Variants in PTPRN2 observed in about 807,000 individuals in gnomAD.
The protein encoded by PTPRN2 is receptor-type tyrosine-protein phosphatase N2.
In PTPRN2, 74 loss-of-function variants were observed where a neutral mutation model predicts 118.8. The ratio of observed to expected loss-of-function variants is 0.62; its 90% CI spans 0.52 to 0.76. The LOEUF is 0.76. PTPRN2 is among the 30% of genes least tolerant of loss of function. PTPRN2 has a pLI of 0.00. For missense variants in PTPRN2, 1,481 were observed against 1,394.4 expected, an observed-to-expected ratio of 1.06 and a Z score of -0.99; for synonymous variants, 641 against 608.0, an observed-to-expected ratio of 1.05 and a Z score of -0.80.
In PTPRN2 at chr7:157,756,793, A is replaced by G. The variant is rs1038005697; in HGVS notation, c.1789-73856T>C. Reference sequence around the variant, plus strand: ...GGTGACTATGTCAGGAGAAGGGAGGAAAAAAAAAAAAAAACCCTGTTCCTG... The same window carrying G: ...GGTGACTATGTCAGGAGAAGGGAGGGAAAAAAAAAAAAAACCCTGTTCCTG... On this transcript the variant is annotated intron_variant, in intron 12 of 22. Coordinates refer to ENST00000389418, the MANE Select transcript of PTPRN2 (RefSeq NM_002847.5). 5.2e-5 allele frequency among the ~76,000 whole-genome samples: 6 copies of G among 114,420 alleles called. No homozygotes were observed. The East Asian group carries it at 1.1e-3, about 20-fold the overall frequency. The allele number at this position is 114,420 out of a possible 152,430, so 75.1% of individuals were successfully genotyped here.
intron 1 of PTPRN2, among the ~76,000 whole-genome samples, chr7:158,512,021 G>A (rs1823214304): frequency 6.6e-6 from 1 of 152,110 alleles, no homozygotes; most frequent in South Asian, 2.1e-4. Flanking sequence ...AGCACAAAGA[G>A]GAGCCTTAAT....
intron 4 of PTPRN2, among the ~76,000 whole-genome samples, chr7:158,195,223 T>A (rs1033923314): frequency 6.6e-6 from 1 of 152,254 alleles, no homozygotes; most frequent in Non-Finnish European, 1.5e-5. Flanking sequence ...TATGGAATTC[T>A]GGGTTGATGT....
chr7:158,421,738 T>C lies in PTPRN2; in HGVS notation c.163+67997A>G, dbSNP rs193193555. ...TGCTAGTTTTCTCCGCAGCATGTTCTGGGCTGCTTTGGGAGCCATATGCTC... is the reference window on the plus strand; with the variant it reads ...TGCTAGTTTTCTCCGCAGCATGTTCCGGGCTGCTTTGGGAGCCATATGCTC... On this transcript the variant is annotated intron_variant, in intron 2 of 22. Transcript: ENST00000389418. Among the ~76,000 whole-genome samples, 578 of 152,380 alleles carry C rather than the reference T, an allele frequency of 3.8e-3. 2 individuals carry two copies. Among genetic ancestry groups the C allele is most frequent in the South Asian group, 0.015 (73 of 4,830 alleles).
intron 12 of PTPRN2, among the ~76,000 whole-genome samples, chr7:157,719,598 C>T (rs10233396): frequency 0.43 from 64,967 of 152,116 alleles, 14,118 homozygotes; most frequent in Middle Eastern, 0.46. Flanking sequence ...GAAAGAATAA[C>T]AGCCAGTGGC....
intron 11 of PTPRN2, among the ~76,000 whole-genome samples, chr7:157,937,421 T>C (rs2128786799): frequency 6.6e-6 from 1 of 152,330 alleles, no homozygotes; most frequent in South Asian, 2.1e-4. Flanking sequence ...GGTGCGGGAA[T>C]AGGCAAGCCC....
intron 3 of PTPRN2, among the ~76,000 whole-genome samples, chr7:158,301,163 T>C (rs1326030238): frequency 2.0e-5 from 3 of 152,224 alleles, no homozygotes; most frequent in African/African-American, 7.2e-5. Context: ...ATACTATAAC[T>C]AGTTCCTTTA....
chr7:158,383,367 A>G (rs563248362), intron 2 of PTPRN2, among the ~76,000 whole-genome samples: 3 of 152,342 alleles, frequency 2.0e-5, no homozygotes, highest in African/African-American at 7.2e-5. Context: ...GCAATCATGC[A>G]CATAATATCA....
At chr7:158,243,609 G>T (rs1165301235) in intron 3 of PTPRN2, among the ~76,000 whole-genome samples, 1 of 152,150 alleles carries the variant, frequency 6.6e-6, no homozygotes, top group Non-Finnish European at 1.5e-5. Flanking sequence ...GCCCACAAAG[G>T]TTGATTTGGA....
At chr7:158,171,503 C>G (rs1431368886) in intron 5 of PTPRN2, among the ~76,000 whole-genome samples, 1 of 151,604 alleles carries the variant, frequency 6.6e-6, no homozygotes, top group East Asian at 1.9e-4. Flanking sequence ...CACGCGCCAC[C>G]AGGCCCAGCT....
At chr7:158,432,447 G>C (rs978348349) in intron 2 of PTPRN2, among the ~76,000 whole-genome samples, 1 of 152,204 alleles carries the variant, frequency 6.6e-6, no homozygotes, top group African/African-American at 2.4e-5. Flanking sequence ...TTGGAACAGT[G>C]TTCAGGAGGG....
rs529780661 is a variant in PTPRN2 at position 157,816,960 on chromosome 7, G to C, written c.1788+81713C>G. On this transcript the variant is annotated intron_variant, in intron 12 of 22. Transcript: ENST00000389418. ...TCTAACAGGGGTCCCCACATCCAGGGCACTGCAGATGGGCTGCCGACCACA... is the reference window on the plus strand; with the variant it reads ...TCTAACAGGGGTCCCCACATCCAGGCCACTGCAGATGGGCTGCCGACCACA... Among the ~76,000 whole-genome samples, 170 of 152,240 alleles carry C rather than the reference G, an allele frequency of 1.1e-3. 1 individual carries two copies. Among genetic ancestry groups the C allele is most frequent in the Non-Finnish European group, 1.4e-3 (92 of 68,048 alleles).
intron 14 of PTPRN2, among the ~76,000 whole-genome samples, chr7:157,628,805 G>A (rs935483767): frequency 5.9e-5 from 9 of 152,156 alleles, no homozygotes; most frequent in African/African-American, 2.2e-4. Flanking sequence ...TCCCTCCCAC[G>A]CTCTGTGGCT....
At chr7:158,470,016 G>A (rs1051788383) in intron 2 of PTPRN2, among the ~76,000 whole-genome samples, 11 of 152,092 alleles carry the variant, frequency 7.2e-5, no homozygotes, top group Non-Finnish European at 1.6e-4. Context: ...AAAAGAATTG[G>A]GAGCTGGGAT....
rs189203315 is a variant in PTPRN2, at chr7:158,295,690, C to T, written c.277+21129G>A. Among the ~76,000 whole-genome samples, 518 of 151,500 alleles carry T rather than the reference C, an allele frequency of 3.4e-3. 5 individuals are homozygous for T. Among genetic ancestry groups the T allele is most frequent in the African/African-American group, 0.012 (491 of 41,202 alleles). On this transcript the variant is annotated intron_variant, in intron 3 of 22. Transcript: ENST00000389418. Reference sequence around the variant, plus strand: ...TGTCTGCCCAGACACTGCACCACATCGTGGTTCACCTGCCTTTCTGAGGGT... The same window carrying T: ...TGTCTGCCCAGACACTGCACCACATTGTGGTTCACCTGCCTTTCTGAGGGT...
At chr7:157,748,213 GA>G (rs1801141700) in intron 12 of PTPRN2, among the ~76,000 whole-genome samples, 4 of 127,440 alleles carry the variant, frequency 3.1e-5, no homozygotes, top group African/African-American at 9.1e-5. Flanking sequence ...GTGAGCTGTT[GA>G]GGTAATTCTG....
At chr7:158,074,993 G>C (rs1450491884) in intron 11 of PTPRN2, among the ~76,000 whole-genome samples, 1 of 152,046 alleles carries the variant, frequency 6.6e-6, no homozygotes, top group Non-Finnish European at 1.5e-5. Flanking sequence ...TTCCACGCTG[G>C]TAGCCCTGTC....
At chr7:157,926,096 CTCTG>C (rs1798967951) in intron 11 of PTPRN2, among the ~76,000 whole-genome samples, 2 of 152,274 alleles carry the variant, frequency 1.3e-5, no homozygotes, top group South Asian at 2.1e-4. Context: ...CATTACCTCC[CTCTG>C]TCTATCTACC....
intron 2 of PTPRN2, among the ~76,000 whole-genome samples, chr7:158,414,343 C>A (rs1228602125): frequency 6.6e-6 from 1 of 152,282 alleles, no homozygotes; most frequent in East Asian, 1.9e-4. Flanking sequence ...AATTAACGGG[C>A]TGGAGCATTA....
intron 1 of PTPRN2, among the ~76,000 whole-genome samples, chr7:158,519,285 C>A (rs1421765628): frequency 1.3e-5 from 2 of 152,198 alleles, no homozygotes; most frequent in African/African-American, 4.8e-5. Context: ...CAGCACATCT[C>A]CTCATTTTAT....
Sources: allele counts gnomAD v4.1 joint callset (sites outside exome capture counted in the v4.1 genomes callset), GRCh38; gene constraint gnomAD v4.1.1; transcripts MANE v1.5; gene names NCBI Gene and HGNC (gene_info 2026-07-23, HGNC 2026-07-21).